The following OR4Q3 variants were observed in gnomAD, a reference collection of about 807,000 sequenced individuals.
OR4Q3 encodes the protein olfactory receptor family 4 subfamily Q member 3, also known as olfactory receptor 4Q3.
In OR4Q3, 17 loss-of-function variants were observed where a neutral mutation model predicts 18.8. That is an observed-to-expected ratio of 0.91 (90% CI 0.62 to 1.36). The LOEUF (loss-of-function observed/expected upper bound fraction) is 1.36. Among genes scored for constraint, OR4Q3 ranks in the 40% most tolerant of loss-of-function variants. The probability of loss-of-function intolerance (pLI) is 0.00; values close to 1 mark genes in which losing one functional copy is unlikely to be tolerated. For synonymous variants in OR4Q3, 158 were observed against 145.8 expected, an observed-to-expected ratio of 1.08 and a Z score of -0.60; for missense variants, 378 against 373.4, an observed-to-expected ratio of 1.01 and a Z score of -0.10.
At chr14:19,749,689 G>C, downstream of OR4Q3, among the ~76,000 whole-genome samples, 1 of 139,660 alleles carries the variant, frequency 7.2e-6, no homozygotes, top group Non-Finnish European at 1.5e-5. Flanking sequence ...TCCTCAGAAA[G>C]AGTATTTATC....
chr14:19,751,117 A>G, downstream of OR4Q3, among the ~76,000 whole-genome samples: 86 of 152,336 alleles, frequency 5.6e-4, no homozygotes, highest in African/African-American at 2.1e-3. Flanking sequence ...TTGGCAAATC[A>G]TTTTAAATGT....
At chr14:19,751,772 C>CTT, downstream of OR4Q3, among the ~76,000 whole-genome samples, 15,127 of 150,378 alleles carry the variant, frequency 0.1, 1,293 homozygotes, top group African/African-American at 0.29. Flanking sequence ...TCATTTGGAT[C>CTT]TTTTTTTTTA....
chr14:19,749,900 TTC>T, downstream of OR4Q3, among the ~76,000 whole-genome samples: 1 of 10,284 alleles, frequency 9.7e-5, no homozygotes, highest in Non-Finnish European at 5.8e-4. Context: ...CTTTCTTTCT[TTC>T]TTTCTTTTTT....
chr14:19,747,234 G>T, intron 1 of OR4Q3, among the ~76,000 whole-genome samples, 172 bp from the exon 2 acceptor site: 9 of 152,202 alleles, frequency 5.9e-5, no homozygotes, highest in African/African-American at 2.2e-4. Context: ...AGAGTTGGAA[G>T]AAATGAACAA....
intron 1 of OR4Q3, among the ~76,000 whole-genome samples, chr14:19,747,084 T>C: frequency 4.6e-5 from 7 of 152,348 alleles, no homozygotes; most frequent in African/African-American, 1.7e-4. Context: ...AGATACTCCA[T>C]TCCAGAACTT....
At chr14:19,749,083 T>A in exon 2 of OR4Q3, 1 of 152,450 alleles carries the variant, frequency 6.6e-6, no homozygotes. Flanking sequence ...TTGATTGGAA[T>A]TACAGTGGGG....
downstream of OR4Q3, among the ~76,000 whole-genome samples, chr14:19,751,027 G>A: frequency 9.9e-5 from 15 of 152,240 alleles, no homozygotes; most frequent in Non-Finnish European, 2.1e-4. Context: ...AGGACATAGA[G>A]CTCCAGGCTT....
chr14:19,746,792 T>C, intron 1 of OR4Q3, among the ~76,000 whole-genome samples: 2 of 152,368 alleles, frequency 1.3e-5, no homozygotes, highest in Non-Finnish European at 2.9e-5. Context: ...TAGCAATTTG[T>C]TGTTTACAAA....
At chr14:19,745,574 T>A in intron 1 of OR4Q3, among the ~76,000 whole-genome samples, 3 of 152,140 alleles carry the variant, frequency 2.0e-5, no homozygotes, top group African/African-American at 7.2e-5. Context: ...AAAAATAACT[T>A]TGGTTTCTCT....
intron 1 of OR4Q3, among the ~76,000 whole-genome samples, chr14:19,744,404 AAC>A (rs1277863248): frequency 1.3e-5 from 2 of 152,186 alleles, no homozygotes; most frequent in Admixed American, 1.3e-4. Context: ...TTATGCTTAA[AAC>A]ACACACATGC....
Position 19,748,068 on chromosome 14 carries a change from T to C in OR4Q3, c.665T>C (p.Val222Ala). The change falls in exon 2 of 2, where the codon GTC becomes GCC. Residue 222 changes from valine to alanine, a missense_variant. Coordinates refer to ENST00000642117, the Ensembl canonical transcript of OR4Q3. ...CTGCTGTCTCTTGTCTGCTTCTTGG[T>C]CTTACTATTCTCTTATGCTATCATC... 1.1e-5 allele frequency: 18 copies of C among 1,614,052 alleles called. No homozygotes were observed. The South Asian group carries it at 1.6e-4, about 15-fold the overall frequency.
At chr14:19,749,782 C>G, downstream of OR4Q3, among the ~76,000 whole-genome samples, 1 of 131,578 alleles carries the variant, frequency 7.6e-6, no homozygotes, top group Non-Finnish European at 1.6e-5. Context: ...CTTTTTCTTT[C>G]TCTTTCTTTC....
exon 2 of OR4Q3, chr14:19,747,943 C>A: frequency 6.2e-7 from 1 of 1,614,040 alleles, no homozygotes. Flanking sequence ...TCTGTGGGCC[C>A]AATGAACTGG....
intron 1 of OR4Q3, among the ~76,000 whole-genome samples, chr14:19,747,099 C>T: frequency 6.6e-6 from 1 of 152,192 alleles, no homozygotes; most frequent in Non-Finnish European, 1.5e-5. Context: ...GAACTTTTGT[C>T]CTTAGAGGAC....
intron 1 of OR4Q3, among the ~76,000 whole-genome samples, chr14:19,745,293 G>T: frequency 1.3e-5 from 2 of 152,084 alleles, no homozygotes; most frequent in Non-Finnish European, 2.9e-5. Flanking sequence ...GTAGTAATTT[G>T]GGTTAAAATA....
exon 2 of OR4Q3, chr14:19,747,830 A>G: frequency 0.15 from 233,659 of 1,571,252 alleles, 8,270 homozygotes; most frequent in South Asian, 0.25. Context: ...GCGCTACCTT[A>G]CAGTCATGAA....
chr14:19,746,679 C>T, intron 1 of OR4Q3, among the ~76,000 whole-genome samples: 2 of 152,156 alleles, frequency 1.3e-5, no homozygotes, highest in African/African-American at 4.8e-5. Flanking sequence ...TTTCTGTGAC[C>T]TGGGATAGTA....
downstream of OR4Q3, among the ~76,000 whole-genome samples, chr14:19,749,711 G>C: frequency 6.9e-6 from 1 of 145,810 alleles, no homozygotes; most frequent in African/African-American, 2.6e-5. Context: ...CAATTATACA[G>C]ATTGCTTCTT....
At chr14:19,749,604 C>CAAAAAAAAAAAAAAAAAAAAAAA, downstream of OR4Q3, 149 of 34,580 alleles carry the variant, frequency 4.3e-3, 31 homozygotes, top group East Asian at 7.6e-3. Flanking sequence ...GGTCTCAAAG[C>CAAAAAAAAAAAAAAAAAAAAAAA]AAAAAAAAAA....
Sources: gnomAD v4.1 joint callset for allele counts (sites outside exome capture counted in the v4.1 genomes callset) on GRCh38, gnomAD v4.1.1 for gene constraint, MANE v1.5 for transcripts, NCBI Gene and HGNC (gene_info 2026-07-23, HGNC 2026-07-21) for gene names.